Variants in RPA1 observed in about 807,000 individuals in gnomAD.
RPA1 encodes the protein replication protein A1.
RPA1 carries 49 observed loss-of-function variants against 83.0 expected under a neutral mutation model. The observed-to-expected ratio is 0.59, with a 90% confidence interval of 0.47 to 0.75. The LOEUF (loss-of-function observed/expected upper bound fraction) is 0.75. RPA1 is among the 30% of genes least tolerant of loss of function. The probability of loss-of-function intolerance (pLI) is 0.00; values close to 1 mark genes in which losing one functional copy is unlikely to be tolerated. For missense variants in RPA1, 693 were observed against 776.1 expected (o/e 0.89, Z 1.27); for synonymous variants, 279 against 281.8 (o/e 0.99, Z 0.10).
At chr17:1,858,267 C>A in intron 5 of RPA1, 1 of 1,612,662 alleles carries the variant, frequency 6.2e-7, no homozygotes, top group Non-Finnish European at 8.5e-7. Flanking sequence ...ACTCAAAGTT[C>A]CCAGGGAGTA....
In RPA1 at chr17:1,830,836, G is replaced by A. The variant is rs186059563; in HGVS notation, c.33+710G>A. 1.7e-3 allele frequency among the ~76,000 whole-genome samples: 253 copies of A among 151,916 alleles called. 2 individuals carry two copies. Among genetic ancestry groups the A allele is most frequent in the African/African-American group, 5.8e-3 (241 of 41,452 alleles). Reference sequence around the variant, plus strand: ...GCTGGAGTGCAGAGGCGCGATCTCGGCTCACTGCAACCTCCGTCTCCCGGG... The same window carrying A: ...GCTGGAGTGCAGAGGCGCGATCTCGACTCACTGCAACCTCCGTCTCCCGGG... On this transcript the variant is annotated intron_variant, in intron 1 of 16. Coordinates refer to ENST00000254719, the MANE Select transcript of RPA1 (RefSeq NM_002945.5).
At chr17:1,834,235 T>G (rs1911724848) in intron 1 of RPA1, among the ~76,000 whole-genome samples, 1 of 152,198 alleles carries the variant, frequency 6.6e-6, no homozygotes, top group Admixed American at 6.6e-5. Flanking sequence ...GTTTTTTTAT[T>G]TTTTAGAGAT....
chr17:1,872,234 C>G (rs1913399474), intron 5 of RPA1, 200 bp from the exon 6 acceptor site: 2 of 716,012 alleles, frequency 2.8e-6, no homozygotes, highest in East Asian at 5.6e-5. Context: ...TGGAGCCAAC[C>G]TTTTGTGTAA....
At chr17:1,831,390 A>C (rs932421531) in intron 1 of RPA1, among the ~76,000 whole-genome samples, 1 of 151,806 alleles carries the variant, frequency 6.6e-6, no homozygotes, top group Admixed American at 6.6e-5. Context: ...CTCTGCGTAG[A>C]TCTATCAAGC....
At chr17:1,844,776 A>G in intron 4 of RPA1, 90 bp downstream of exon 4, 1 of 934,522 alleles carries the variant, frequency 1.1e-6, no homozygotes, top group South Asian at 1.7e-5. Context: ...TTCAGCTAAG[A>G]ATCTGCAGCT....
intron 7 of RPA1, 56 bp from the exon 8 acceptor site, chr17:1,877,156 A>T: frequency 6.7e-7 from 1 of 1,487,588 alleles, no homozygotes; most frequent in Non-Finnish European, 9.4e-7. Context: ...ATGATTTCTT[A>T]CTTGATCTTT....
intron 13 of RPA1, among the ~76,000 whole-genome samples, chr17:1,885,333 C>A (rs192024868): frequency 6.6e-6 from 1 of 152,256 alleles, no homozygotes; most frequent in African/African-American, 2.4e-5. Flanking sequence ...CTAGTTCTCT[C>A]GTTATTTTCG....
chr17:1,891,034 G>A (rs1040297059), intron 14 of RPA1, among the ~76,000 whole-genome samples: 7 of 152,234 alleles, frequency 4.6e-5, no homozygotes, highest in Admixed American at 1.3e-4. Flanking sequence ...CTTATTTTTC[G>A]TCATAACATT....
At chr17:1,889,343 T>TC (rs1914121722) in intron 14 of RPA1, among the ~76,000 whole-genome samples, 1 of 151,536 alleles carries the variant, frequency 6.6e-6, no homozygotes, top group African/African-American at 2.4e-5. Flanking sequence ...AAATTTTTTT[T>TC]TTTTTTTAAG....
intron 5 of RPA1, among the ~76,000 whole-genome samples, chr17:1,864,660 G>C (rs147270054): frequency 7.7e-4 from 116 of 150,836 alleles, no homozygotes; most frequent in African/African-American, 2.7e-3. Context: ...TAATTCTTAG[G>C]CTGGACCTTA....
rs199998753 is a variant in RPA1, at chr17:1,853,122, A to T, written c.294A>T (p.Glu98Asp). ...KDGRRVVILM[E>D]LEVLKSAEAV... ...GCAGGAGAGTAGTTATCTTGATGGA[A>T]TTAGAAGTTTTGAAGTCAGCTGAAG... Residue 98 changes from glutamate to aspartate, a missense_variant, in exon 5 of 17, where the codon GAA becomes GAT. Coordinates refer to ENST00000254719, the MANE Select transcript of RPA1 (RefSeq NM_002945.5). The T allele has an allele frequency of 6.8e-6, 11 of 1,614,118 alleles. No homozygotes were observed. The East Asian group carries it at 8.9e-5, about 13-fold the overall frequency.
intron 5 of RPA1, among the ~76,000 whole-genome samples, chr17:1,853,695 G>GA (rs1912584146): frequency 6.6e-6 from 1 of 151,994 alleles, no homozygotes; most frequent in Non-Finnish European, 1.5e-5. Context: ...AAAAAAGTAA[G>GA]AAAGTAATGG....
chr17:1,883,760 C>T, intron 12 of RPA1, 52 bp from the exon 13 acceptor site: 1 of 1,608,588 alleles, frequency 6.2e-7, no homozygotes, highest in Non-Finnish European at 8.5e-7. Flanking sequence ...TGTGGAGAAG[C>T]AGAAGCATGT....
intron 5 of RPA1, chr17:1,858,438 C>T (rs961940458): frequency 1.3e-5 from 19 of 1,446,430 alleles, no homozygotes; most frequent in African/African-American, 9.8e-5. Flanking sequence ...TCAGCAACAG[C>T]GCAGCCATCT....
At chr17:1,856,300 A>T (rs928821270) in intron 5 of RPA1, among the ~76,000 whole-genome samples, 11 of 110,430 alleles carry the variant, frequency 1.0e-4, no homozygotes, top group East Asian at 2.1e-4. Flanking sequence ...GAGACCCCAT[A>T]AAAAAAAAAA....
At chr17:1,830,234 G>A (rs1192928902) in intron 1 of RPA1, 108 bp downstream of exon 1, 7 of 852,408 alleles carry the variant, frequency 8.2e-6, no homozygotes, top group Non-Finnish European at 7.8e-6. Flanking sequence ...ATGAACGCGA[G>A]GGGAGGAGAT....
rs778456049 is a variant in RPA1, at chr17:1,844,672, T to C, written c.258T>C (p.Thr86=). The change falls in exon 4 of 17, where the codon ACT becomes ACC. Residue 86 remains threonine (T), a synonymous_variant. Transcript: ENST00000254719. The part of the protein sequence containing the change: ...VCQIHRFIVN[T]LKDGRRVVIL... ...AGATTCACAGATTTATTGTGAACAC[T>C]CTGAAAGACGGAAGGTATGTGCTGT... 12 of 1,611,822 alleles carry C rather than the reference T, an allele frequency of 7.4e-6. No individual in the cohort carries two copies. The highest frequency in any genetic ancestry group is 1.0e-5 in the Non-Finnish European group (12 of 1,178,164).
At chr17:1,834,041 G>A (rs190297733) in intron 1 of RPA1, among the ~76,000 whole-genome samples, 19 of 152,264 alleles carry the variant, frequency 1.2e-4, no homozygotes, top group Non-Finnish European at 2.4e-4. Context: ...TTAGCTGGGT[G>A]TGTTGGCGTG....
At chr17:1,834,872 A>T (rs1183822345) in intron 1 of RPA1, among the ~76,000 whole-genome samples, 1 of 149,864 alleles carries the variant, frequency 6.7e-6, no homozygotes, top group Admixed American at 6.7e-5. Flanking sequence ...CTTACTAGGG[A>T]TTTTTTTTTT....
Sources: allele counts gnomAD v4.1 joint callset (sites outside exome capture counted in the v4.1 genomes callset), GRCh38; gene constraint gnomAD v4.1.1; transcripts MANE v1.5; gene names NCBI Gene and HGNC (gene_info 2026-07-23, HGNC 2026-07-21).